BANP: variants seen among roughly 807,000 people sequenced by gnomAD.
The protein encoded by BANP is protein BANP.
A neutral mutation model predicts 68.1 loss-of-function variants in BANP; 11 were observed. The observed-to-expected ratio is 0.16, with a 90% confidence interval of 0.10 to 0.27. The LOEUF (loss-of-function observed/expected upper bound fraction) is 0.27. Ranked by LOEUF, BANP falls within the 10% of genes least tolerant of loss-of-function variation. The probability of loss-of-function intolerance (pLI) is 1.00; values close to 1 mark genes in which losing one functional copy is unlikely to be tolerated. For missense variants in BANP, 504 were observed against 722.7 expected (o/e 0.70, Z 3.47); for synonymous variants, 329 against 303.2 (o/e 1.09, Z -0.88).
intron 2 of BANP, 88 bp from the exon 3 acceptor site, chr16:87,980,948 G>T: frequency 1.2e-6 from 1 of 827,362 alleles, no homozygotes; most frequent in Non-Finnish European, 2.0e-6. Flanking sequence ...CAACCTTAAG[G>T]TGTCAGCACT....
intron 11 of BANP, among the ~76,000 whole-genome samples, chr16:88,058,619 T>G (rs2085793663): frequency 6.6e-6 from 1 of 152,204 alleles, no homozygotes; most frequent in African/African-American, 2.4e-5. Flanking sequence ...CATCGTTCTT[T>G]CCATTTTCTC....
At position 88,006,171 on chromosome 16, in the gene BANP, C is replaced by T. The variant is rs759885495; in HGVS notation, c.561C>T (p.Ser187=). 24 of 1,613,782 alleles carry T rather than the reference C, an allele frequency of 1.5e-5. No homozygotes were observed. The African/African-American group carries it at 1.6e-4, about 11-fold the overall frequency. The change falls in exon 6 of 14, where the codon AGC becomes AGT. Residue 187 remains serine, a synonymous_variant. Coordinates refer to ENST00000682872, the MANE Select transcript of BANP (RefSeq NM_001386991.1). ...ACAGCCACCACGAGGACGGGGAGAG[C>T]GGCTCGGAGGCCAGCGACTCTGTGT... ...QEDSHHEDGE[S]GSEASDSVSS...
chr16:87,990,193 A>G (rs1665440834), intron 4 of BANP, among the ~76,000 whole-genome samples: 1 of 152,236 alleles, frequency 6.6e-6, no homozygotes, highest in Non-Finnish European at 1.5e-5. Flanking sequence ...TCTGCTTTTT[A>G]AAGTCATAGA....
intron 1 of BANP, among the ~76,000 whole-genome samples, chr16:87,968,080 CTT>C (rs34083191): frequency 7.5e-5 from 11 of 147,582 alleles, no homozygotes; most frequent in African/African-American, 2.5e-4. Context: ...GTTTTTTTGC[CTT>C]TTTTTTTTTA....
At chr16:88,001,690 C>T (rs1034121688) in intron 4 of BANP, among the ~76,000 whole-genome samples, 16 of 151,298 alleles carry the variant, frequency 1.1e-4, no homozygotes, top group African/African-American at 3.6e-4. Context: ...TTAATTTTTC[C>T]ATTATAATCT....
At chr16:88,029,358 C>T (rs1385674578) in intron 8 of BANP, among the ~76,000 whole-genome samples, 1 of 150,234 alleles carries the variant, frequency 6.7e-6, no homozygotes, top group Non-Finnish European at 1.5e-5. Context: ...GCATGTAATC[C>T]CAGCACTTTG....
chr16:88,048,836 C>T (rs980898717), intron 11 of BANP, among the ~76,000 whole-genome samples: 3 of 152,178 alleles, frequency 2.0e-5, no homozygotes, highest in African/African-American at 7.2e-5. Context: ...TCGATTCTAA[C>T]AGTGTTCTCG....
intron 1 of BANP, among the ~76,000 whole-genome samples, chr16:87,960,631 G>A (rs1019578380): frequency 1.3e-5 from 2 of 152,138 alleles, no homozygotes; most frequent in African/African-American, 4.8e-5. Flanking sequence ...GGTGTGCCCC[G>A]GCCAACTCAG....
At chr16:88,010,854 C>T (rs539247745) in intron 6 of BANP, among the ~76,000 whole-genome samples, 8 of 151,784 alleles carry the variant, frequency 5.3e-5, no homozygotes, top group African/African-American at 1.7e-4. Context: ...CCACGCTATG[C>T]TGTGCCGATT....
chr16:88,003,683 A>C lies in BANP; in HGVS notation c.363-612A>C, dbSNP rs1019388282. 2 of 359,876 alleles carry C rather than the reference A, an allele frequency of 5.6e-6. No homozygotes were observed. The highest frequency in any genetic ancestry group is 4.3e-5 in the African/African-American group (2 of 46,670). The allele number at this position is 359,876 out of a possible 1,614,324, so 22.3% of individuals were successfully genotyped here. ...GGGCCATGGTCTGTTCTTTTGTAGAATCTTTTCCTTCAAAGCAGAACCCTG... is the reference window on the plus strand; with the variant it reads ...GGGCCATGGTCTGTTCTTTTGTAGACTCTTTTCCTTCAAAGCAGAACCCTG... On this transcript the variant is annotated intron_variant, in intron 4 of 13. Coordinates refer to ENST00000682872, the MANE Select transcript of BANP (RefSeq NM_001386991.1). The surrounding 1 kb of genome is among the most constrained non-coding windows in gnomAD (Gnocchi z 6.1).
chr16:87,989,075 A>C lies in BANP; in HGVS notation c.362+4816A>C, dbSNP rs1416442636. ...TCCAGGTTTTTGGGTTCTACACCTG[A>C]ATGAGATTCTTTAAATAACTTCGAG... On this transcript the variant is annotated intron_variant, in intron 4 of 13. Coordinates refer to ENST00000682872, the MANE Select transcript of BANP (RefSeq NM_001386991.1). Among the ~76,000 whole-genome samples, 4 of 152,230 alleles carry C rather than the reference A, an allele frequency of 2.6e-5. No individual in the cohort carries two copies. The East Asian group carries it at 7.7e-4, about 29-fold the overall frequency.
chr16:88,071,866 T>A lies in BANP; in HGVS notation c.1378-203T>A, dbSNP rs1282225731. 5 of 729,928 alleles carry A rather than the reference T, an allele frequency of 6.8e-6. No homozygotes were observed. Among genetic ancestry groups the A allele is most frequent in the Non-Finnish European group, 9.7e-6 (4 of 412,018 alleles). The allele number at this position is 729,928 out of a possible 1,614,324, so 45.2% of individuals were successfully genotyped here. On this transcript the variant is annotated intron_variant, in intron 12 of 13. Coordinates refer to ENST00000682872, the MANE Select transcript of BANP (RefSeq NM_001386991.1). This position sits in a 1 kb window ranked among gnomAD's most constrained non-coding sequence, Gnocchi z 6.5. ...AGATCCAGCAGAGACTCGATGGCAC[T>A]CTCTCACTGGATCTGATGCGACTTG...
chr16:88,040,575 C>T (rs10438598), intron 11 of BANP, among the ~76,000 whole-genome samples: 34,523 of 151,592 alleles, frequency 0.23, 4,685 homozygotes, highest in East Asian at 0.57. Flanking sequence ...GGGGGTCACA[C>T]GGCCCATTCC....
chr16:88,033,230 C>A lies in BANP; in HGVS notation c.1185C>A (p.Asp395Glu). The change falls in exon 9 of 14, where the codon GAC becomes GAA. Residue 395 changes from aspartate (D) to glutamate (E), a missense_variant. Physicochemically the swap from Asp to Glu is conservative, Grantham distance 45. Around this residue, in one of 3 missense-constraint regions of BANP, gnomAD observed 223 missense variants for 246.2 expected, o/e 0.91. Coordinates refer to ENST00000682872, the MANE Select transcript of BANP (RefSeq NM_001386991.1). ...TGCAGATCCACCAGATCGGAGAAGA[C>A]GGACAGGTGCAAGTAGTACGTACCC... is the stretch of plus-strand genomic sequence containing the variant. ...QQVQIHQIGE[D>E]GQVQVIPQGH... is the part of the protein sequence containing the mutation. 1 of 1,603,724 alleles carries A rather than the reference C, an allele frequency of 6.2e-7. No individual in the cohort carries two copies. Among genetic ancestry groups the A allele is most frequent in the Non-Finnish European group, 8.5e-7 (1 of 1,172,826 alleles).
chr16:87,963,733 C>T, intron 1 of BANP, among the ~76,000 whole-genome samples: 1 of 152,196 alleles, frequency 6.6e-6, no homozygotes, highest in East Asian at 1.9e-4. Context: ...AGAGAAGATC[C>T]TGGTGTTGAA....
intron 3 of BANP, chr16:87,982,577 A>G (rs1235005599): frequency 6.6e-6 from 1 of 152,178 alleles, no homozygotes; most frequent in African/African-American, 2.4e-5. Flanking sequence ...ATTGAGTGTC[A>G]TCACGTGGGC....
chr16:88,038,192 C>T (rs1222462253), intron 11 of BANP, among the ~76,000 whole-genome samples, 181 bp downstream of exon 11: 12 of 150,156 alleles, frequency 8.0e-5, no homozygotes, highest in South Asian at 6.3e-4. Context: ...ATTGCGCTGC[C>T]GAGGGGTGGG....
chr16:87,963,459 C>G (rs36073017), intron 1 of BANP: 51,800 of 152,106 alleles, frequency 0.34, 10,218 homozygotes, highest in Non-Finnish European at 0.47. Flanking sequence ...AGACTGGCCG[C>G]TCTGCATGGA....
At chr16:88,020,027 G>A (rs2075685223) in intron 7 of BANP, among the ~76,000 whole-genome samples, 1 of 152,170 alleles carries the variant, frequency 6.6e-6, no homozygotes, top group South Asian at 2.1e-4. Flanking sequence ...ACCAGCGGGC[G>A]CCCATCCTGG....
Sources: gnomAD v4.1 joint callset for allele counts (sites outside exome capture counted in the v4.1 genomes callset) on GRCh38, gnomAD v4.1.1 for gene constraint, gnomAD v4.1.1 regional missense constraint, Gnocchi (gnomAD v3.1) non-coding constraint, MANE v1.5 for transcripts, NCBI Gene and HGNC (gene_info 2026-07-23, HGNC 2026-07-21) for gene names.